The following STXBP4 variants were observed in gnomAD, a reference collection of about 807,000 sequenced individuals.
The protein encoded by STXBP4 is syntaxin binding protein 4, also known as syntaxin-binding protein 4.
In STXBP4, 55 loss-of-function variants were observed where a neutral mutation model predicts 76.1. That is an observed-to-expected ratio of 0.72 (90% CI 0.58 to 0.91). STXBP4 has a LOEUF of 0.91. STXBP4 is among the 40% of genes least tolerant of loss of function. STXBP4 has a pLI of 0.00. For synonymous variants in STXBP4, 201 were observed against 220.2 expected, an observed-to-expected ratio of 0.91 and a Z score of 0.77; for missense variants, 618 against 636.9, an observed-to-expected ratio of 0.97 and a Z score of 0.32.
the STXBP4 span, among the ~76,000 whole-genome samples, chr17:55,182,161 TCA>T: frequency 8.0e-3 from 536 of 66,758 alleles, 4 homozygotes; most frequent in Non-Finnish European, 0.018. Context: ...AAGGCAAGAA[TCA>T]AGAGAAAACA....
intron 15 of STXBP4, 88 bp from the exon 16 acceptor site, chr17:55,080,962 A>G (rs752283793): frequency 3.5e-5 from 43 of 1,227,382 alleles, no homozygotes; most frequent in Non-Finnish European, 4.5e-5. Flanking sequence ...TTTTTGTACA[A>G]ATCTATAACT....
chr17:55,102,104 C>T (rs1007727980), intron 16 of STXBP4, among the ~76,000 whole-genome samples: 3 of 151,616 alleles, frequency 2.0e-5, no homozygotes, highest in African/African-American at 7.3e-5. Context: ...CATTGTATCT[C>T]GTTACTAGCA....
At chr17:55,058,687 T>C (rs2078961938) in intron 12 of STXBP4, among the ~76,000 whole-genome samples, 1 of 152,174 alleles carries the variant, frequency 6.6e-6, no homozygotes. Flanking sequence ...AAAGTTCTTA[T>C]AGTCGATGGG....
At chr17:55,022,472 C>T (rs1438922571) in intron 8 of STXBP4, among the ~76,000 whole-genome samples, 1 of 152,088 alleles carries the variant, frequency 6.6e-6, no homozygotes. Context: ...CTGGTTGAGG[C>T]ATTTTAGTGT....
At chr17:55,141,236 GGA>G (rs1181333341) in intron 16 of STXBP4, 72 bp from the exon 17 acceptor site, 1 of 1,177,300 alleles carries the variant, frequency 8.5e-7, no homozygotes, top group Non-Finnish European at 1.2e-6. Context: ...TAAAGATGAG[GGA>G]GGTTTGTGTC....
intron 12 of STXBP4, among the ~76,000 whole-genome samples, chr17:55,059,210 A>C (rs1001530967): frequency 2.0e-5 from 3 of 152,158 alleles, no homozygotes; most frequent in Non-Finnish European, 2.9e-5. Flanking sequence ...TGATTTACCT[A>C]GGTATCATTG....
chr17:54,984,128 T>G (rs1331523659), intron 1 of STXBP4, among the ~76,000 whole-genome samples: 1 of 152,046 alleles, frequency 6.6e-6, no homozygotes, highest in Non-Finnish European at 1.5e-5. Context: ...GTGAATACAT[T>G]GCTATGTTAG....
chr17:55,061,475 A>G (rs893890533), intron 12 of STXBP4, among the ~76,000 whole-genome samples: 1 of 152,194 alleles, frequency 6.6e-6, no homozygotes, highest in African/African-American at 2.4e-5. Flanking sequence ...AGAAAAATAC[A>G]TATATTTGTC....
intron 8 of STXBP4, among the ~76,000 whole-genome samples, chr17:55,021,926 T>A (rs1445571129): frequency 1.3e-5 from 2 of 152,204 alleles, no homozygotes; most frequent in African/African-American, 4.8e-5. Flanking sequence ...TAAGAAATTT[T>A]CCTAAGTAAA....
chr17:55,045,253 C>G (rs1281202997), intron 11 of STXBP4, among the ~76,000 whole-genome samples: 1 of 152,048 alleles, frequency 6.6e-6, no homozygotes, highest in Non-Finnish European at 1.5e-5. Flanking sequence ...TTTGAAACCG[C>G]TATCTTTCCA....
chr17:55,024,991 A>T (rs1019538074), intron 8 of STXBP4, among the ~76,000 whole-genome samples: 5 of 152,034 alleles, frequency 3.3e-5, no homozygotes, highest in Non-Finnish European at 5.9e-5. Flanking sequence ...AATACAAAAA[A>T]TTAGCCGGGC....
At chr17:55,037,926 C>T (rs915908506) in intron 10 of STXBP4, among the ~76,000 whole-genome samples, 2 of 152,148 alleles carry the variant, frequency 1.3e-5, no homozygotes, top group Non-Finnish European at 2.9e-5. Context: ...GATTGTTTTG[C>T]AGTGTAATTC....
intron 16 of STXBP4, among the ~76,000 whole-genome samples, chr17:55,113,215 T>TA (rs2079741814): frequency 9.4e-6 from 1 of 105,860 alleles, no homozygotes; most frequent in African/African-American, 3.8e-5. Context: ...TAGGTGCTCT[T>TA]ACCACACACA....
At chr17:55,031,739 A>G (rs376560354) in intron 9 of STXBP4, among the ~76,000 whole-genome samples, 1 of 151,948 alleles carries the variant, frequency 6.6e-6, no homozygotes, top group Non-Finnish European at 1.5e-5. Context: ...ACTCAATCTC[A>G]TAGACAGCCT....
chr17:55,031,284 G>A lies in STXBP4; in HGVS notation c.763+20G>A, dbSNP rs750281227. 2 of 1,544,744 alleles carry A rather than the reference G, an allele frequency of 1.3e-6. No homozygotes were observed. The highest frequency in any genetic ancestry group is 1.4e-5 in the African/African-American group (1 of 73,218). On this transcript the variant is annotated intron_variant, in intron 9 of 17. Transcript: ENST00000376352. ...TTGGAGGTAATATTAGGTTTATTGTGTTGTATTATCACTGAATCATCATTC... is the reference window on the plus strand; with the variant it reads ...TTGGAGGTAATATTAGGTTTATTGTATTGTATTATCACTGAATCATCATTC...
chr17:55,144,184 G>A (rs2080125951), intron 17 of STXBP4, among the ~76,000 whole-genome samples: 1 of 152,184 alleles, frequency 6.6e-6, no homozygotes, highest in Non-Finnish European at 1.5e-5. Flanking sequence ...AAACTTGGTT[G>A]TAAGAATAAG....
chr17:54,968,916 G>T, intron 1 of STXBP4, 101 bp downstream of exon 1: 1 of 408,206 alleles, frequency 2.4e-6, no homozygotes. Context: ...CCGCGTGCAA[G>T]CTTGCCATCA....
At chr17:55,186,485 C>T in the STXBP4 span, among the ~76,000 whole-genome samples, 2 of 152,098 alleles carry the variant, frequency 1.3e-5, no homozygotes, top group African/African-American at 4.8e-5. Flanking sequence ...AAAGAATAGG[C>T]ATTTAAAGAA....
intron 17 of STXBP4, among the ~76,000 whole-genome samples, chr17:55,144,832 C>T (rs181544583): frequency 2.4e-4 from 37 of 152,304 alleles, no homozygotes; most frequent in African/African-American, 8.7e-4. Flanking sequence ...ACTGTCTACA[C>T]AAAATAGCTA....
Sources: allele counts gnomAD v4.1 joint callset (sites outside exome capture counted in the v4.1 genomes callset), GRCh38; gene constraint gnomAD v4.1.1; transcripts MANE v1.5; gene names NCBI Gene and HGNC (gene_info 2026-07-23, HGNC 2026-07-21).